Variants in BCL2 observed in about 807,000 individuals in gnomAD.
BCL2 encodes the protein BCL2 apoptosis regulator, also known as apoptosis regulator Bcl-2.
In BCL2, 1 loss-of-function variant was observed where a neutral mutation model predicts 14.2. That is an observed-to-expected ratio of 0.07 (90% CI 0.02 to 0.33). The LOEUF is 0.33. Among genes scored for constraint, BCL2 ranks in the 10% least tolerant of loss-of-function variants. The probability of loss-of-function intolerance (pLI) is 0.99; values close to 1 mark genes in which losing one functional copy is unlikely to be tolerated. For synonymous variants in BCL2, 151 were observed against 137.2 expected, an observed-to-expected ratio of 1.10 and a Z score of -0.70; for missense variants, 247 against 305.9, an observed-to-expected ratio of 0.81 and a Z score of 1.44.
chr18:63,227,568 T>C (rs1033780392), intron 2 of BCL2, among the ~76,000 whole-genome samples: 6 of 152,146 alleles, frequency 3.9e-5, no homozygotes, highest in African/African-American at 1.4e-4. Context: ...GGACAAAATG[T>C]ATACATTACA....
chr18:63,298,291 G>A (rs9962222), intron 2 of BCL2, among the ~76,000 whole-genome samples: 82,609 of 152,040 alleles, frequency 0.54, 24,020 homozygotes, highest in African/African-American at 0.75. Context: ...GATCCAGAAC[G>A]GCACACACAC....
At chr18:63,182,041 T>C (rs1236459458) in intron 2 of BCL2, among the ~76,000 whole-genome samples, 1 of 152,212 alleles carries the variant, frequency 6.6e-6, no homozygotes, top group Non-Finnish European at 1.5e-5. Flanking sequence ...CTGGTTCCAA[T>C]CTTCTCCCCT....
Position 63,132,113 on chromosome 18 carries a change from C to G in BCL2, c.586-3354G>C, listed in dbSNP as rs139748587. 9.3e-3 allele frequency among the ~76,000 whole-genome samples: 1,423 copies of G among 152,286 alleles called. 30 individuals are homozygous for G. The highest frequency in any genetic ancestry group is 0.033 in the African/African-American group (1,358 of 41,548). Reference sequence around the variant, plus strand: ...TCAGCATAGAGATGCTGTTGCCATCCCAGGGGGCTGAGAAGGGCATGGGAC... The same window carrying G: ...TCAGCATAGAGATGCTGTTGCCATCGCAGGGGGCTGAGAAGGGCATGGGAC... On this transcript the variant is annotated intron_variant, in intron 2 of 2. Transcript: ENST00000333681.
chr18:63,305,458 C>T (rs1285416618), intron 2 of BCL2, among the ~76,000 whole-genome samples: 2 of 152,086 alleles, frequency 1.3e-5, no homozygotes, highest in East Asian at 3.9e-4. Context: ...AAACAAATAA[C>T]TAACAGTGTG....
intron 2 of BCL2, among the ~76,000 whole-genome samples, chr18:63,207,253 C>A (rs1157260265): frequency 1.3e-5 from 2 of 152,152 alleles, no homozygotes; most frequent in African/African-American, 2.4e-5. Flanking sequence ...TCTGTGAACC[C>A]CAGGGCCGAT....
chr18:63,283,248 C>T (rs114892030), intron 2 of BCL2, among the ~76,000 whole-genome samples: 2,204 of 152,238 alleles, frequency 0.014, 53 homozygotes, highest in African/African-American at 0.05. Flanking sequence ...TGTCATTTTC[C>T]GAGTTCTGAA....
intron 2 of BCL2, among the ~76,000 whole-genome samples, chr18:63,307,291 G>A (rs1457968466): frequency 6.6e-6 from 1 of 152,166 alleles, no homozygotes; most frequent in African/African-American, 2.4e-5. Context: ...CATGGGTGAT[G>A]CCCTTTAAGT....
chr18:63,259,484 A>G (rs988642792), intron 2 of BCL2, among the ~76,000 whole-genome samples: 1 of 152,280 alleles, frequency 6.6e-6, no homozygotes, highest in Admixed American at 6.5e-5. Context: ...TCTAACAGCT[A>G]TCATATGGAT....
At chr18:63,192,346 G>A (rs949526155) in intron 2 of BCL2, among the ~76,000 whole-genome samples, 37 of 152,184 alleles carry the variant, frequency 2.4e-4, no homozygotes, top group Non-Finnish European at 5.0e-4. Flanking sequence ...CAGTTCGAGT[G>A]GCCCACAAGC....
chr18:63,218,695 T>TCCAC (rs1247677804), intron 2 of BCL2, among the ~76,000 whole-genome samples: 1 of 438 alleles, frequency 2.3e-3, no homozygotes, highest in Non-Finnish European at 4.6e-3. Context: ...ACTCATCCCA[T>TCCAC]TCTCCACTCA....
At chr18:63,281,697 A>AAAGG in intron 2 of BCL2, among the ~76,000 whole-genome samples, 1 of 148,510 alleles carries the variant, frequency 6.7e-6, no homozygotes, top group African/African-American at 2.5e-5. Flanking sequence ...AGAAAGAAAG[A>AAAGG]AAGAAAGAAA....
chr18:63,155,907 C>T (rs1914768727), intron 2 of BCL2, among the ~76,000 whole-genome samples: 1 of 152,148 alleles, frequency 6.6e-6, no homozygotes, highest in African/African-American at 2.4e-5. Flanking sequence ...TCCTCCCTCT[C>T]CCAGGACCCT....
In BCL2 at chr18:63,224,729, C is replaced by T. The variant is rs367687383; in HGVS notation, c.585+93353G>A. ...ACACAGGACCACAACAGAGGGATGA[C>T]GGCACTGAAGTGAGATACCCCAGGA... On this transcript the variant is annotated intron_variant, in intron 2 of 2. Coordinates refer to ENST00000333681, the MANE Select transcript of BCL2 (RefSeq NM_000633.3). Among the ~76,000 whole-genome samples the T allele has an allele frequency of 4.7e-4, 71 of 152,208 alleles. No homozygotes were observed. The South Asian group carries it at 0.013, about 29-fold the overall frequency.
chr18:63,211,977 T>C (rs1028753078), intron 2 of BCL2, among the ~76,000 whole-genome samples: 3 of 152,234 alleles, frequency 2.0e-5, no homozygotes, highest in African/African-American at 7.2e-5. Context: ...ATGGTGTTCA[T>C]GAATGCAATG....
chr18:63,178,899 C>CAAAA (rs111876869), intron 2 of BCL2, among the ~76,000 whole-genome samples: 1 of 132,920 alleles, frequency 7.5e-6, no homozygotes, highest in Non-Finnish European at 1.6e-5. Flanking sequence ...GGGTTCAAGG[C>CAAAA]AAAAAAAAAA....
rs139942969 is a variant in BCL2, at chr18:63,267,077, C to T, written c.585+51005G>A. Among the ~76,000 whole-genome samples, 17 of 152,180 alleles carry T rather than the reference C, an allele frequency of 1.1e-4. No homozygotes were observed. In the South Asian group the frequency reaches 1.7e-3, roughly 15 times the overall value. ...AAAGGTCAGGAGGTGAGGAGATGCT[C>T]GCACTGAGGGAAGCCTGGGTGACTG... On this transcript the variant is annotated intron_variant, in intron 2 of 2. Coordinates refer to ENST00000333681, the MANE Select transcript of BCL2 (RefSeq NM_000633.3).
intron 2 of BCL2, among the ~76,000 whole-genome samples, chr18:63,155,648 G>C (rs1345153811): frequency 1.3e-5 from 2 of 152,200 alleles, no homozygotes; most frequent in African/African-American, 4.8e-5. Context: ...ACGGACGTTA[G>C]AGCGAGCAGG....
intron 2 of BCL2, among the ~76,000 whole-genome samples, chr18:63,292,754 A>G (rs894146651): frequency 2.6e-5 from 4 of 152,214 alleles, no homozygotes; most frequent in Non-Finnish European, 5.9e-5. Context: ...GTATGGGGGT[A>G]AAGAGCATCA....
intron 2 of BCL2, among the ~76,000 whole-genome samples, chr18:63,281,740 A>AAAG (rs1568256937): frequency 7.6e-5 from 11 of 144,794 alleles, no homozygotes; most frequent in East Asian, 2.1e-4. Context: ...AAGAAAGAAA[A>AAAG]AGAGAGAGGA....
Sources: gnomAD v4.1 joint callset for allele counts (sites outside exome capture counted in the v4.1 genomes callset) on GRCh38, gnomAD v4.1.1 for gene constraint, MANE v1.5 for transcripts, NCBI Gene and HGNC (gene_info 2026-07-23, HGNC 2026-07-21) for gene names.